Variants in CCNB1 observed in about 807,000 individuals in gnomAD.
CCNB1 encodes cyclin B1.
In CCNB1, 26 loss-of-function variants were observed where a neutral mutation model predicts 44.4. That is an observed-to-expected ratio of 0.59 (90% CI 0.43 to 0.81). CCNB1 has a LOEUF of 0.81. CCNB1 is among the 40% of genes least tolerant of loss of function. The pLI is 0.00. For synonymous variants in CCNB1, 195 were observed against 181.4 expected (o/e 1.08, Z -0.60); for missense variants, 477 against 520.9 (o/e 0.92, Z 0.82).
At chr5:69,170,758 T>C (rs1226609898) in intron 3 of CCNB1, among the ~76,000 whole-genome samples, 1 of 152,020 alleles carries the variant, frequency 6.6e-6, no homozygotes, top group Non-Finnish European at 1.5e-5. Flanking sequence ...CCTGAGTAGT[T>C]AGGACTGTAG....
chr5:69,169,852 A>G (rs1580209244), intron 3 of CCNB1, among the ~76,000 whole-genome samples: 1 of 151,858 alleles, frequency 6.6e-6, no homozygotes, highest in African/African-American at 2.4e-5. Context: ...GGGTTTCACT[A>G]TGTTGGCCAG....
chr5:69,177,346 C>T lies in CCNB1; in HGVS notation c.1191C>T (p.His397=). 1 of 1,583,014 alleles carries T rather than the reference C, an allele frequency of 6.3e-7. No individual in the cohort carries two copies. Among genetic ancestry groups the T allele is most frequent in the Non-Finnish European group, 8.7e-7 (1 of 1,151,812 alleles). Reference sequence around the variant, plus strand: ...TGGTAAATCAAGGACTTACAAAGCACATGGTGAGTCAATATAGTGGCATTG... The same window carrying T: ...TGGTAAATCAAGGACTTACAAAGCATATGGTGAGTCAATATAGTGGCATTG... The part of the protein sequence containing the change: ...VVMVNQGLTK[H]MTVKNKYATS... The change falls in exon 8 of 9, where the codon CAC becomes CAT. Residue 397 remains histidine, a synonymous_variant. Transcript: ENST00000256442.
At chr5:69,170,626 T>C (rs1391038959) in intron 3 of CCNB1, among the ~76,000 whole-genome samples, 1 of 152,082 alleles carries the variant, frequency 6.6e-6, no homozygotes, top group East Asian at 1.9e-4. Context: ...AACTTTAAAC[T>C]GACTCACTCT....
At chr5:69,169,253 T>C (rs1037623506) in intron 3 of CCNB1, among the ~76,000 whole-genome samples, 5 of 152,084 alleles carry the variant, frequency 3.3e-5, no homozygotes, top group Non-Finnish European at 7.4e-5. Flanking sequence ...ATATTTTTAG[T>C]ATAGATGGGG....
At chr5:69,168,126 G>A in intron 2 of CCNB1, 47 bp from the exon 3 acceptor site, 1 of 1,611,072 alleles carries the variant, frequency 6.2e-7, no homozygotes, top group South Asian at 1.1e-5. Context: ...CCTTCCAACT[G>A]TGGCCTTTGA....
chr5:69,168,408 T>C, intron 3 of CCNB1, 65 bp downstream of exon 3: 1 of 1,551,298 alleles, frequency 6.4e-7, no homozygotes, highest in Non-Finnish European at 8.9e-7. Flanking sequence ...CACTGATACA[T>C]GCAAGAGCAT....
chr5:69,174,822 G>T (rs1747545970), intron 5 of CCNB1, 55 bp from the exon 6 acceptor site: 6 of 1,363,572 alleles, frequency 4.4e-6, no homozygotes, highest in Non-Finnish European at 6.3e-6. Flanking sequence ...CTTCATCATA[G>T]CTCTGTGTCT....
intron 7 of CCNB1, among the ~76,000 whole-genome samples, chr5:69,175,982 A>AATATAT (rs68140968): frequency 0.022 from 2,568 of 116,232 alleles, 44 homozygotes; most frequent in Non-Finnish European, 0.027. Context: ...AAATATATAA[A>AATATAT]ATATATATAT....
In CCNB1 at chr5:69,175,109, G is replaced by C. The variant is rs761932194; in HGVS notation, c.938G>C (p.Gly313Ala). ...TTCCTTCGGAGAGCATCTAAGATTG[G>C]AGAGGTACAGGTTTCTTGAGAAACC... ...LHFLRRASKI[G>A]EVDVEQHTLA... Residue 313 changes from glycine to alanine, a missense_variant, in exon 6 of 9, where the codon GGA becomes GCA. Gly to Ala is a moderately conservative substitution (Grantham distance 60, BLOSUM62 0). Transcript: ENST00000256442. 4 of 1,609,500 alleles carry C rather than the reference G, an allele frequency of 2.5e-6. No individual in the cohort carries two copies. In the African/African-American group the frequency reaches 4.0e-5, roughly 16 times the overall value.
Position 69,174,761 on chromosome 5 carries a change from G to T in CCNB1, c.706-116G>T. ...TTTTTCAACTAAAATCTTTCTTGGGGGATATGGTGTCATTAAGATTTTGCT... is the reference window on the plus strand; with the variant it reads ...TTTTTCAACTAAAATCTTTCTTGGGTGATATGGTGTCATTAAGATTTTGCT... On this transcript the variant is annotated intron_variant, in intron 5 of 8. Coordinates refer to ENST00000256442, the MANE Select transcript of CCNB1 (RefSeq NM_031966.4). 4.0e-6 allele frequency: 3 copies of T among 755,858 alleles called. No individual in the cohort carries two copies. The East Asian group carries it at 7.5e-5, about 19-fold the overall frequency. The allele number at this position is 755,858 out of a possible 1,614,324, so 46.8% of individuals were successfully genotyped here. A position where few individuals can be genotyped will look rare whatever the true frequency, so the allele number is the denominator to read the frequency against.
Position 69,177,677 on chromosome 5 carries a change from A to G in CCNB1, c.*46A>G. ...TACTATATTTACAAATAAAATTGGC[A>G]CCATGTGCCATCTGTACATATTACT... On this transcript the variant is annotated 3_prime_UTR_variant, in exon 9 of 9. Coordinates refer to ENST00000256442, the MANE Select transcript of CCNB1 (RefSeq NM_031966.4). 8.6e-7 allele frequency: 1 copy of G among 1,160,892 alleles called. No homozygotes were observed. The highest frequency in any genetic ancestry group is 1.8e-5 in the Admixed American group (1 of 54,606). The allele number at this position is 1,160,892 out of a possible 1,614,324, so 71.9% of individuals were successfully genotyped here.
rs755827930 is a variant in CCNB1, at chr5:69,168,258, C to T, written c.278C>T (p.Pro93Leu). The T allele has an allele frequency of 6.2e-7, 1 of 1,614,074 alleles. No individual in the cohort carries two copies. Among genetic ancestry groups the T allele is most frequent in the South Asian group, 1.1e-5 (1 of 91,054 alleles). Residue 93 changes from proline (P) to leucine (L), a missense_variant, in exon 3 of 9, where the codon CCA (proline) becomes CTA (leucine). Transcript: ENST00000256442. ...AAGGTACCTATGCTGGTGCCAGTGC[C>T]AGTGTCTGAGCCAGTGCCAGAGCCA... ...LEKVPMLVPV[P>L]VSEPVPEPEP...
At position 69,168,240 on chromosome 5, in the gene CCNB1, C is replaced by A. The variant is rs750014957; in HGVS notation, c.260C>A (p.Pro87His). 1 of 1,614,124 alleles carries A rather than the reference C, an allele frequency of 6.2e-7. No homozygotes were observed. The change falls in exon 3 of 9, where the codon CCT (proline) becomes CAT (histidine). Residue 87 changes from proline (P) to histidine (H), a missense_variant. Coordinates refer to ENST00000256442, the MANE Select transcript of CCNB1 (RefSeq NM_031966.4). ...CTACCAAAACCTCTTGAAAAGGTAC[C>A]TATGCTGGTGCCAGTGCCAGTGTCT... is the stretch of plus-strand genomic sequence containing the variant. ...KKLPKPLEKVPMLVPVPVSEP... is the reference protein window; with the variant it reads ...KKLPKPLEKVHMLVPVPVSEP...
intron 3 of CCNB1, among the ~76,000 whole-genome samples, chr5:69,168,603 T>G (rs755808115): frequency 6.6e-6 from 1 of 152,220 alleles, no homozygotes; most frequent in Non-Finnish European, 1.5e-5. Flanking sequence ...GTGGCCCATA[T>G]GGGATTCAAG....
chr5:69,175,581 G>A, intron 7 of CCNB1, 44 bp downstream of exon 7: 3 of 1,585,188 alleles, frequency 1.9e-6, no homozygotes, highest in Non-Finnish European at 2.6e-6. Context: ...AAATTTTAAA[G>A]AGTGACTAAA....
At position 69,167,185 on chromosome 5, in the gene CCNB1, G is replaced by C; in HGVS notation, c.-78G>C. The C allele has an allele frequency of 7.8e-7, 1 of 1,275,652 alleles. No individual in the cohort carries two copies. Among genetic ancestry groups the C allele is most frequent in the Non-Finnish European group, 1.1e-6 (1 of 931,732 alleles). The allele number at this position is 1,275,652 out of a possible 1,614,324, so 79.0% of individuals were successfully genotyped here. On this transcript the variant is annotated 5_prime_UTR_variant, in exon 1 of 9. Coordinates refer to ENST00000256442, the MANE Select transcript of CCNB1 (RefSeq NM_031966.4). ...GGCGGAACGGCTGTTGGTTTCTGCT[G>C]GGTGTAGGTCCTTGGCTGGTCGGGC... is the stretch of plus-strand genomic sequence containing the variant.
chr5:69,173,911 A>G (rs938733998), intron 4 of CCNB1, among the ~76,000 whole-genome samples: 2 of 152,046 alleles, frequency 1.3e-5, no homozygotes, highest in Non-Finnish European at 2.9e-5. Context: ...CTGGAACTAC[A>G]GGTGTGCGCA....
At chr5:69,167,450 G>C (rs554867807) in intron 1 of CCNB1, 167 bp downstream of exon 1, 44 of 657,974 alleles carry the variant, frequency 6.7e-5, no homozygotes, top group Non-Finnish European at 1.1e-4. Context: ...CAGGCCTGGT[G>C]AGAGAGTGTG....
intron 4 of CCNB1, among the ~76,000 whole-genome samples, 199 bp downstream of exon 4, chr5:69,171,651 A>G (rs1002622565): frequency 6.6e-6 from 1 of 152,182 alleles, no homozygotes; most frequent in Non-Finnish European, 1.5e-5. Flanking sequence ...TTTGTGCAGG[A>G]AAGTTCGAAG....
Sources: gnomAD v4.1 joint callset for allele counts (sites outside exome capture counted in the v4.1 genomes callset) on GRCh38, gnomAD v4.1.1 for gene constraint, MANE v1.5 for transcripts, NCBI Gene and HGNC (gene_info 2026-07-23, HGNC 2026-07-21) for gene names.